NBEAL2: variants seen among roughly 807,000 people sequenced by gnomAD.
The protein encoded by NBEAL2 is neurobeachin like 2.
Under a neutral mutation model 299.8 loss-of-function variants are expected in NBEAL2, and 160 were observed. That is an observed-to-expected ratio of 0.53 (90% confidence interval 0.47 to 0.61). NBEAL2 has a LOEUF of 0.61. Among genes scored for constraint, NBEAL2 ranks in the 20% least tolerant of loss-of-function variants. The pLI, the probability that NBEAL2 is intolerant of heterozygous loss-of-function variation, is 0.00. For synonymous variants in NBEAL2, 1,493 were observed against 1,542.3 expected, an observed-to-expected ratio of 0.97 and a Z score of 0.75; for missense variants, 3,112 against 3,649.0, an observed-to-expected ratio of 0.85 and a Z score of 3.79.
intron 1 of NBEAL2, among the ~76,000 whole-genome samples, chr3:46,986,023 G>A (rs1416189344): frequency 6.6e-6 from 1 of 152,186 alleles, no homozygotes; most frequent in Non-Finnish European, 1.5e-5. Context: ...TCAAGCCATG[G>A]GGCCTAGGTC....
In NBEAL2 at chr3:47,008,062, C is replaced by T; in HGVS notation, c.7603-8C>T. ...GGACAGTCCTAAGCCAACCCTGGTC[C>T]TCCACAGGGTGGTCTGTCAGTAGGC... On this transcript the variant is annotated splice_region_variant and splice_polypyrimidine_tract_variant and intron_variant, in intron 49 of 53. Coordinates refer to ENST00000450053, the MANE Select transcript of NBEAL2 (RefSeq NM_015175.3). 1 of 1,613,218 alleles carries T rather than the reference C, an allele frequency of 6.2e-7. No homozygotes were observed. The highest frequency in any genetic ancestry group is 8.5e-7 in the Non-Finnish European group (1 of 1,179,222).
Position 46,991,330 on chromosome 3 carries a change from C to T in NBEAL2, c.642+26C>T, listed in dbSNP as rs1374421366. 1 of 1,589,040 alleles carries T rather than the reference C, an allele frequency of 6.3e-7. No individual in the cohort carries two copies. The highest frequency in any genetic ancestry group is 1.8e-5 in the Admixed American group (1 of 56,114). On this transcript the variant is annotated intron_variant, in intron 7 of 53. Transcript: ENST00000450053. This position sits in a 1 kb window ranked among gnomAD's most constrained non-coding sequence, Gnocchi z 6.2. ...GTAGGCTGGGAGGTGAGCCTGTGGA[C>T]TAGAGAGCAGCTCTTTCAGTATCTC...
At chr3:46,980,988 C>T (rs953497948) in intron 1 of NBEAL2, among the ~76,000 whole-genome samples, 3 of 152,206 alleles carry the variant, frequency 2.0e-5, no homozygotes, top group African/African-American at 7.2e-5. Flanking sequence ...CCACTGTCTT[C>T]CACGGACCTG....
chr3:46,985,265 G>A (rs562908865), intron 1 of NBEAL2, among the ~76,000 whole-genome samples: 1 of 152,316 alleles, frequency 6.6e-6, no homozygotes. Flanking sequence ...TTGTGATAGG[G>A]CATGTGACTG....
chr3:46,994,422 G>A (rs2107331511), intron 11 of NBEAL2, 33 bp from the exon 12 acceptor site: 3 of 1,549,246 alleles, frequency 1.9e-6, no homozygotes, highest in Non-Finnish European at 2.6e-6. Flanking sequence ...GCCCATGTAT[G>A]TGTTCACTTC....
At position 46,997,246 on chromosome 3, in the gene NBEAL2, C is replaced by T. The variant is rs547551572; in HGVS notation, c.2650-13C>T. 5.6e-6 allele frequency: 9 copies of T among 1,612,076 alleles called. 1 individual carries two copies. The African/African-American group carries it at 9.3e-5, about 17-fold the overall frequency. On this transcript the variant is annotated splice_polypyrimidine_tract_variant and intron_variant, in intron 18 of 53. Coordinates refer to ENST00000450053, the MANE Select transcript of NBEAL2 (RefSeq NM_015175.3). ...CTGGAAGGTCCCCCTCACTGCCATC[C>T]TCCTTCCCCCAGGATGTGGTGAACT...
At position 47,004,560 on chromosome 3, in the gene NBEAL2, G is replaced by A. The variant is rs773599283; in HGVS notation, c.6264G>A (p.Arg2088=). Residue 2088 remains arginine, a synonymous_variant, in exon 38 of 54, where the codon CGG becomes CGA. Coordinates refer to ENST00000450053, the MANE Select transcript of NBEAL2 (RefSeq NM_015175.3). This position sits in a 1 kb window ranked among gnomAD's most constrained non-coding sequence, Gnocchi z 5.0. ...YLMQLNTIAG[R]TYNDLSQYPV... ...TGCAACTCAACACCATTGCGGGGCGGACCTACAATGACCTGTCTCAGTACC... is the reference window on the plus strand; with the variant it reads ...TGCAACTCAACACCATTGCGGGGCGAACCTACAATGACCTGTCTCAGTACC... The A allele has an allele frequency of 1.2e-6, 2 of 1,613,740 alleles. No homozygotes were observed. Among genetic ancestry groups the A allele is most frequent in the Admixed American group, 1.7e-5 (1 of 60,018 alleles).
rs1457121327 is a variant in NBEAL2, at chr3:46,996,956, T to G, written c.2559T>G (p.Ala853=). ...TRLLLHYSPQ[A]CKNNICLDLS... Reference sequence around the variant, plus strand: ...CCTGCCCATTCCCCTATCCCTAGGCTTGTAAGAACAACATCTGCCTGGACC... The same window carrying G: ...CCTGCCCATTCCCCTATCCCTAGGCGTGTAAGAACAACATCTGCCTGGACC... The change falls in exon 18 of 54, where the codon GCT becomes GCG. Residue 853 remains alanine (A), a splice_region_variant and synonymous_variant. Transcript: ENST00000450053. 5 of 1,613,194 alleles carry G rather than the reference T, an allele frequency of 3.1e-6. No individual in the cohort carries two copies. The highest frequency in any genetic ancestry group is 3.4e-6 in the Non-Finnish European group (4 of 1,179,802).
At position 47,005,812 on chromosome 3, in the gene NBEAL2, C is replaced by T. The variant is rs760087926; in HGVS notation, c.6766C>T (p.Pro2256Ser). The T allele has an allele frequency of 1.9e-6, 3 of 1,613,354 alleles. No individual in the cohort carries two copies. The highest frequency in any genetic ancestry group is 8.5e-7 in the Non-Finnish European group (1 of 1,179,862). Residue 2256 changes from proline (P) to serine (S), a missense_variant, in exon 42 of 54, where the codon CCT (proline) becomes TCT (serine). Pro to Ser is a moderately conservative substitution (Grantham distance 74). Transcript: ENST00000450053. ...GGTGCTACCCCCGTGGGCCAGCTCT[C>T]CTGAGGACTTCATCCAGCAGCACCG... is the stretch of plus-strand genomic sequence containing the variant. ...DVVLPPWASS[P>S]EDFIQQHRQA...
At chr3:47,008,810 G>A in intron 52 of NBEAL2, 142 bp downstream of exon 52, 3 of 1,446,344 alleles carry the variant, frequency 2.1e-6, no homozygotes, top group Admixed American at 2.1e-5. Context: ...CTTCCCATGG[G>A]GAGGTCTTGC....
Position 46,991,919 on chromosome 3 carries a change from C to T in NBEAL2, c.1005C>T (p.His335=), listed in dbSNP as rs372899469. 1.2e-6 allele frequency: 2 copies of T among 1,602,012 alleles called. No individual in the cohort carries two copies. Among genetic ancestry groups the T allele is most frequent in the Non-Finnish European group, 1.7e-6 (2 of 1,174,480 alleles). ...ATFLSNNCFE[H]LTRLIQNSKL... The stretch of plus-strand genomic sequence containing the variant: ...TCCTCAGCAACAATTGCTTTGAACA[C>T]CTCACTCGGCTCATTCAGAACAGCA... The change falls in exon 9 of 54, where the codon CAC becomes CAT. Residue 335 remains histidine, a synonymous_variant. Transcript: ENST00000450053. The surrounding 1 kb of genome is among the most constrained non-coding windows in gnomAD (Gnocchi z 6.2).
rs11283920 is a variant in NBEAL2, at chr3:47,004,729, TGTTCCCTGCCAACCCCCAGAG to T, written c.6294+142_6294+162del. 0.39 allele frequency: 415,568 copies of T among 1,078,906 alleles called. 78,641 individuals are homozygous for T. Among genetic ancestry groups the T allele is most frequent in the Middle Eastern group, 0.48 (1,764 of 3,684 alleles). 66.8% of individuals were successfully genotyped at this position (1,078,906 alleles called of 1,614,324 possible). A position where few individuals can be genotyped will look rare whatever the true frequency, so the allele number is the denominator to read the frequency against. On this transcript the variant is annotated intron_variant, in intron 38 of 53. Transcript: ENST00000450053. The surrounding 1 kb of genome is among the most constrained non-coding windows in gnomAD (Gnocchi z 5.0). The stretch of plus-strand genomic sequence containing the variant: ...GATGTGCCAATGAAGACCTGGCCTC[TGTTCCCTGCCAACCCCCAGAG>T]GTCCCCAGCCTCACTCCCTTCCCCT...
At chr3:47,006,836 C>CT (rs1373591561) in intron 45 of NBEAL2, among the ~76,000 whole-genome samples, 1 of 152,128 alleles carries the variant, frequency 6.6e-6, no homozygotes, top group Non-Finnish European at 1.5e-5. Flanking sequence ...CAAGTTGAAA[C>CT]TAAGTGTGAT....
chr3:46,984,609 G>A (rs1329081589), intron 1 of NBEAL2, among the ~76,000 whole-genome samples: 1 of 152,220 alleles, frequency 6.6e-6, no homozygotes, highest in Non-Finnish European at 1.5e-5. Context: ...ACTGAATGGG[G>A]GGACCCCCTA....
intron 9 of NBEAL2, 64 bp from the exon 10 acceptor site, chr3:46,992,411 C>T: frequency 6.9e-7 from 1 of 1,449,366 alleles, no homozygotes; most frequent in South Asian, 1.2e-5. Flanking sequence ...CTAACCCCAC[C>T]CTCTCCCATC....
chr3:46,984,300 A>T (rs1451063808), intron 1 of NBEAL2, among the ~76,000 whole-genome samples: 2 of 151,644 alleles, frequency 1.3e-5, no homozygotes, highest in Admixed American at 1.3e-4. Flanking sequence ...ACAGAGCGAG[A>T]CTCCGTCTCA....
Position 47,009,270 on chromosome 3 carries a change from T to G in NBEAL2, c.8215T>G (p.Ser2739Ala). 1 of 1,602,580 alleles carries G rather than the reference T, an allele frequency of 6.2e-7. No individual in the cohort carries two copies. Among genetic ancestry groups the G allele is most frequent in the Non-Finnish European group, 8.5e-7 (1 of 1,175,870 alleles). ...RKLWRSSRRI[S>A]QVSSGETEYN... ...GCTGTGGCGGTCCTCGCGGCGCATCTCCCAGGTGTCCTCGGGAGAGACGGA... is the reference window on the plus strand; with the variant it reads ...GCTGTGGCGGTCCTCGCGGCGCATCGCCCAGGTGTCCTCGGGAGAGACGGA... The change falls in exon 54 of 54, where the codon TCC (serine) becomes GCC (alanine). Residue 2739 changes from serine (S) to alanine (A), a missense_variant. Physicochemically the swap from Ser to Ala is moderately conservative, Grantham distance 99 (BLOSUM62 1). Coordinates refer to ENST00000450053, the MANE Select transcript of NBEAL2 (RefSeq NM_015175.3).
Position 46,997,384 on chromosome 3 carries a change from C to T in NBEAL2, c.2775C>T (p.Thr925=). Residue 925 remains threonine (T), a synonymous_variant, in exon 19 of 54, where the codon ACC becomes ACT. Coordinates refer to ENST00000450053, the MANE Select transcript of NBEAL2 (RefSeq NM_015175.3). ...ATGACCTCGTGGGTCCTGAACTGACCTCTGGTCACAACACCCAGGGCCTGG... is the reference window on the plus strand; with the variant it reads ...ATGACCTCGTGGGTCCTGAACTGACTTCTGGTCACAACACCCAGGGCCTGG... ...ETHDLVGPEL[T]SGHNTQGLVL... 1 of 1,611,742 alleles carries T rather than the reference C, an allele frequency of 6.2e-7. No individual in the cohort carries two copies.
At position 46,997,371 on chromosome 3, in the gene NBEAL2, G is replaced by T. The variant is rs367629951; in HGVS notation, c.2762G>T (p.Gly921Val). The change falls in exon 19 of 54, where the codon GGT becomes GTT. Residue 921 changes from glycine to valine, a missense_variant. Gly to Val is a moderately radical substitution (Grantham distance 109). This residue lies in a region of NBEAL2 where 2,243 missense variants were observed against 2,538.1 expected (regional missense o/e 0.88). Coordinates refer to ENST00000450053, the MANE Select transcript of NBEAL2 (RefSeq NM_015175.3). ...AGPAETHDLV[G>V]PELTSGHNTQ... ...CCAGCTGAAACGCATGACCTCGTGGGTCCTGAACTGACCTCTGGTCACAAC... is the reference window on the plus strand; with the variant it reads ...CCAGCTGAAACGCATGACCTCGTGGTTCCTGAACTGACCTCTGGTCACAAC... 5.6e-6 allele frequency: 9 copies of T among 1,611,920 alleles called. No individual in the cohort carries two copies. The East Asian group carries it at 1.8e-4, about 32-fold the overall frequency.
Sources: allele counts gnomAD v4.1 joint callset (sites outside exome capture counted in the v4.1 genomes callset), GRCh38; gene constraint gnomAD v4.1.1; regional missense constraint gnomAD v4.1.1; non-coding constraint Gnocchi (gnomAD v3.1); transcripts MANE v1.5; gene names NCBI Gene and HGNC (gene_info 2026-07-23, HGNC 2026-07-21).